Variants in TTC28 observed in about 807,000 individuals in gnomAD.
TTC28 encodes tetratricopeptide repeat protein 28.
TTC28 carries 61 observed loss-of-function variants against 198.0 expected under a neutral mutation model. The ratio of observed to expected loss-of-function variants is 0.31; its 90% CI spans 0.25 to 0.38. The LOEUF is 0.38. Ranked by LOEUF, TTC28 falls within the 10% of genes least tolerant of loss-of-function variation. The pLI is 1.00. For synonymous variants in TTC28, 1,171 were observed against 1,297.8 expected, an observed-to-expected ratio of 0.90 and a Z score of 2.10; for missense variants, 2,678 against 3,164.0, an observed-to-expected ratio of 0.85 and a Z score of 3.69.
intron 2 of TTC28, among the ~76,000 whole-genome samples, chr22:28,462,740 T>A (rs1168178882): frequency 6.6e-6 from 1 of 152,130 alleles, no homozygotes; most frequent in African/African-American, 2.4e-5. Context: ...TCATTCCCCA[T>A]TTGAATTATG....
chr22:28,332,016 A>G (rs1569264920), intron 2 of TTC28, among the ~76,000 whole-genome samples: 1 of 152,114 alleles, frequency 6.6e-6, no homozygotes, highest in Non-Finnish European at 1.5e-5. Flanking sequence ...AAGCTGTTTG[A>G]AAGGAATGTT....
chr22:28,033,227 C>G (rs917280920), intron 12 of TTC28, among the ~76,000 whole-genome samples: 1 of 152,148 alleles, frequency 6.6e-6, no homozygotes, highest in East Asian at 1.9e-4. Flanking sequence ...CCTGACCCTT[C>G]AAAGTATTAA....
At chr22:28,092,428 C>T (rs1222290625) in intron 12 of TTC28, among the ~76,000 whole-genome samples, 4 of 152,276 alleles carry the variant, frequency 2.6e-5, no homozygotes, top group South Asian at 4.1e-4. Context: ...GAGAACTTGG[C>T]GACTGCATGC....
chr22:28,542,800 T>C (rs1158513441), intron 2 of TTC28, among the ~76,000 whole-genome samples: 1 of 151,958 alleles, frequency 6.6e-6, no homozygotes, highest in Non-Finnish European at 1.5e-5. Context: ...TGGAGGGAAA[T>C]GCATAGCTTC....
intron 12 of TTC28, among the ~76,000 whole-genome samples, chr22:28,083,999 A>C (rs1941464288): frequency 1.3e-5 from 2 of 152,224 alleles, no homozygotes; most frequent in Non-Finnish European, 2.9e-5. Flanking sequence ...TGAGTAGGTA[A>C]ACAAAGTGGC....
At chr22:28,564,186 A>C (rs2049934641) in intron 2 of TTC28, among the ~76,000 whole-genome samples, 1 of 152,208 alleles carries the variant, frequency 6.6e-6, no homozygotes. Context: ...GGGGCGATGA[A>C]AATGTTTTGG....
At position 28,522,498 on chromosome 22, in the gene TTC28, A is replaced by C. The variant is rs556567460; in HGVS notation, c.381+107054T>G. On this transcript the variant is annotated intron_variant, in intron 2 of 22. Coordinates refer to ENST00000397906, the MANE Select transcript of TTC28 (RefSeq NM_001145418.2). ...TGCGAAACTCCGTCTCAAAAAAAAAAAAAAAACTGAGACACAGAAAATACT... is the reference window on the plus strand; with the variant it reads ...TGCGAAACTCCGTCTCAAAAAAAAACAAAAAACTGAGACACAGAAAATACT... 1.7e-3 allele frequency among the ~76,000 whole-genome samples: 256 copies of C among 152,284 alleles called. 1 individual carries two copies. Among genetic ancestry groups the C allele is most frequent in the Middle Eastern group, 0.01 (3 of 292 alleles).
chr22:28,231,261 A>G (rs1376061392), intron 5 of TTC28, among the ~76,000 whole-genome samples: 1 of 152,228 alleles, frequency 6.6e-6, no homozygotes, highest in Non-Finnish European at 1.5e-5. Flanking sequence ...GCTTTAACAC[A>G]TGGGATAAAT....
intron 22 of TTC28, among the ~76,000 whole-genome samples, chr22:27,984,087 G>A (rs1169446580): frequency 1.3e-5 from 2 of 152,076 alleles, no homozygotes; most frequent in African/African-American, 4.8e-5. Context: ...GACCCACCAT[G>A]GCCCATCTCC....
chr22:28,151,896 G>T (rs1943617091), intron 6 of TTC28, among the ~76,000 whole-genome samples: 1 of 152,162 alleles, frequency 6.6e-6, no homozygotes, highest in South Asian at 2.1e-4. Flanking sequence ...GTGCAGTTTG[G>T]CTTCCTACAT....
chr22:28,462,803 T>C (rs1055070438), intron 2 of TTC28, among the ~76,000 whole-genome samples: 19 of 152,184 alleles, frequency 1.2e-4, no homozygotes, highest in African/African-American at 1.2e-4. Flanking sequence ...AGATGGCTTA[T>C]TAGAACACAG....
intron 5 of TTC28, among the ~76,000 whole-genome samples, chr22:28,206,701 A>G (rs1354800313): frequency 6.6e-6 from 1 of 152,176 alleles, no homozygotes; most frequent in Non-Finnish European, 1.5e-5. Flanking sequence ...GGGTCCTCTC[A>G]TTAGGGGTTT....
intron 5 of TTC28, among the ~76,000 whole-genome samples, chr22:28,254,451 G>A (rs1930744158): frequency 1.3e-5 from 2 of 150,648 alleles, no homozygotes; most frequent in South Asian, 4.2e-4. Flanking sequence ...AGGAAGAAGA[G>A]CACTTCAAAA....
Position 27,985,344 on chromosome 22 carries a change from C to T in TTC28, c.5720G>A (p.Cys1907Tyr). The T allele has an allele frequency of 6.4e-7, 1 of 1,551,128 alleles. No homozygotes were observed. ...EFLAALGFDL[C>Y]EVGQEEVILK... ...GATTACTTCCTCCTGACCAACTTCA[C>T]AGAGATCAAAACCTAGAGGAACAAA... The change falls in exon 22 of 23, where the codon TGT (cysteine) becomes TAT (tyrosine). Residue 1907 changes from cysteine to tyrosine, a missense_variant. By Grantham distance (194) the Cys-to-Tyr change is radical. Around this residue, in one of 8 missense-constraint regions of TTC28, gnomAD observed 314 missense variants for 442.7 expected, o/e 0.71. Transcript: ENST00000397906.
chr22:28,392,920 G>A (rs1403332470), intron 2 of TTC28, among the ~76,000 whole-genome samples: 2 of 115,888 alleles, frequency 1.7e-5, no homozygotes, highest in Non-Finnish European at 3.2e-5. Flanking sequence ...CTGTCACCCA[G>A]GCTAGAGTGT....
chr22:28,233,768 G>T (rs1928999861), intron 5 of TTC28, among the ~76,000 whole-genome samples: 1 of 152,110 alleles, frequency 6.6e-6, no homozygotes, highest in African/African-American at 2.4e-5. Flanking sequence ...TTTTGGAGAT[G>T]GAGTCTCATT....
At chr22:28,337,643 T>C (rs1278603293) in intron 2 of TTC28, among the ~76,000 whole-genome samples, 4 of 152,338 alleles carry the variant, frequency 2.6e-5, no homozygotes, top group South Asian at 2.1e-4. Flanking sequence ...GTCTGTTTTA[T>C]CCGAGAGTAG....
chr22:28,346,270 C>T (rs1302860781), intron 2 of TTC28, among the ~76,000 whole-genome samples: 2 of 152,146 alleles, frequency 1.3e-5, no homozygotes, highest in Non-Finnish European at 2.9e-5. Flanking sequence ...ATTCTTTATA[C>T]CAGTTATCGC....
At chr22:28,198,004 T>C (rs750441256) in intron 5 of TTC28, among the ~76,000 whole-genome samples, 1 of 152,134 alleles carries the variant, frequency 6.6e-6, no homozygotes, top group Non-Finnish European at 1.5e-5. Context: ...AATTTCACCA[T>C]GATGAAAATG....
Sources: gnomAD v4.1 joint callset for allele counts (sites outside exome capture counted in the v4.1 genomes callset) on GRCh38, gnomAD v4.1.1 for gene constraint, gnomAD v4.1.1 regional missense constraint, MANE v1.5 for transcripts, NCBI Gene and HGNC (gene_info 2026-07-23, HGNC 2026-07-21) for gene names.